Variants in AMPH observed in about 807,000 individuals in gnomAD.
The protein encoded by AMPH is amphiphysin, also known as amphiphysin (Stiff-Mann syndrome with breast cancer 128kD autoantigen).
In AMPH, 49 loss-of-function variants were observed where a neutral mutation model predicts 99.1. The ratio of observed to expected loss-of-function variants is 0.49; its 90% CI spans 0.39 to 0.63. AMPH has a LOEUF of 0.63. AMPH is among the 20% of genes least tolerant of loss of function. The probability of loss-of-function intolerance (pLI) is 0.00; values close to 1 mark genes in which losing one functional copy is unlikely to be tolerated. For missense variants in AMPH, 759 were observed against 863.4 expected (o/e 0.88, Z 1.52); for synonymous variants, 314 against 317.3 (o/e 0.99, Z 0.11).
At chr7:38,534,782 G>A in intron 2 of AMPH, 149 bp downstream of exon 2, 1 of 677,480 alleles carries the variant, frequency 1.5e-6, no homozygotes, top group Non-Finnish European at 2.5e-6. Flanking sequence ...GTCTTCAATA[G>A]GAAATTCTCC....
intron 1 of AMPH, among the ~76,000 whole-genome samples, chr7:38,555,772 TG>T (rs1170718563): frequency 6.6e-6 from 1 of 152,226 alleles, no homozygotes; most frequent in Non-Finnish European, 1.5e-5. Flanking sequence ...GATCAAATTA[TG>T]GGTTTTCCCA....
At chr7:38,469,660 A>G (rs923144465) in intron 7 of AMPH, among the ~76,000 whole-genome samples, 6 of 152,152 alleles carry the variant, frequency 3.9e-5, no homozygotes, top group Non-Finnish European at 8.8e-5. Context: ...GCTTAATATC[A>G]ACCTCTCAGC....
intron 1 of AMPH, among the ~76,000 whole-genome samples, chr7:38,561,135 A>G (rs1380122853): frequency 6.6e-6 from 1 of 152,204 alleles, no homozygotes; most frequent in Non-Finnish European, 1.5e-5. Flanking sequence ...GGTTAAACTA[A>G]CAGGGAAGGC....
At chr7:38,464,061 T>G in intron 9 of AMPH, 1 of 1,289,660 alleles carries the variant, frequency 7.8e-7, no homozygotes, top group Non-Finnish European at 1.0e-6. Context: ...AATCTAAGCT[T>G]AATAGAGATG....
chr7:38,593,685 C>G (rs1267312218), intron 1 of AMPH, among the ~76,000 whole-genome samples: 2 of 152,236 alleles, frequency 1.3e-5, no homozygotes, highest in African/African-American at 4.8e-5. Context: ...GGGGCACCCA[C>G]TGAAATGCTG....
chr7:38,572,411 T>A (rs538237964), intron 1 of AMPH, among the ~76,000 whole-genome samples: 36 of 152,254 alleles, frequency 2.4e-4, no homozygotes, highest in African/African-American at 8.4e-4. Context: ...TTAAGTACAA[T>A]CCATGATGCT....
At chr7:38,531,628 T>A (rs563649701) in intron 2 of AMPH, among the ~76,000 whole-genome samples, 1 of 152,296 alleles carries the variant, frequency 6.6e-6, no homozygotes, top group African/African-American at 2.4e-5. Flanking sequence ...TATGATTTTA[T>A]AAAAGGAATC....
chr7:38,428,300 T>C (rs1464465619), intron 14 of AMPH: 1 of 456,750 alleles, frequency 2.2e-6, no homozygotes, highest in African/African-American at 2.0e-5. Context: ...CTGCAATTCT[T>C]GGCAAGTTAA....
chr7:38,395,798 A>T (rs1378196296), intron 17 of AMPH, among the ~76,000 whole-genome samples: 1 of 152,238 alleles, frequency 6.6e-6, no homozygotes, highest in Non-Finnish European at 1.5e-5. Context: ...AATGAAGAGT[A>T]CCTCCGAGTG....
At chr7:38,396,686 C>T (rs937897594) in intron 17 of AMPH, among the ~76,000 whole-genome samples, 5 of 152,234 alleles carry the variant, frequency 3.3e-5, no homozygotes, top group South Asian at 2.1e-4. Context: ...ATTTTGAAAT[C>T]GAATAGACTT....
intron 2 of AMPH, among the ~76,000 whole-genome samples, chr7:38,507,201 T>C (rs1182023470): frequency 6.7e-6 from 1 of 150,004 alleles, no homozygotes; most frequent in East Asian, 1.9e-4. Flanking sequence ...CACTGCAGAG[T>C]TTTTTTTTAA....
intron 11 of AMPH, among the ~76,000 whole-genome samples, chr7:38,441,788 G>GATATATCTA (rs59247929): frequency 1.8e-5 from 1 of 55,584 alleles, no homozygotes; most frequent in Non-Finnish European, 5.1e-5. Context: ...TCATATATCT[G>GATATATCTA]TCATATATAT....
At chr7:38,439,614 T>C (rs761081934) in intron 11 of AMPH, among the ~76,000 whole-genome samples, 6 of 152,166 alleles carry the variant, frequency 3.9e-5, no homozygotes, top group African/African-American at 4.8e-5. Context: ...AGAGTACACA[T>C]GGTATGGTCT....
chr7:38,548,953 T>C (rs959505304), intron 1 of AMPH, among the ~76,000 whole-genome samples: 6 of 152,260 alleles, frequency 3.9e-5, no homozygotes, highest in African/African-American at 1.2e-4. Flanking sequence ...GGATCCTCCA[T>C]GTTGAACATG....
At chr7:38,592,070 A>T (rs534769434) in intron 1 of AMPH, among the ~76,000 whole-genome samples, 63 of 152,356 alleles carry the variant, frequency 4.1e-4, no homozygotes, top group African/African-American at 1.5e-3. Context: ...AACTAAAAGT[A>T]TTCCTTATGG....
At chr7:38,398,924 G>C (rs1035881970) in intron 17 of AMPH, among the ~76,000 whole-genome samples, 4 of 152,194 alleles carry the variant, frequency 2.6e-5, no homozygotes, top group Non-Finnish European at 5.9e-5. Flanking sequence ...CAAAGGCTCT[G>C]CCTGACTGCT....
chr7:38,550,586 T>C (rs535880110), intron 1 of AMPH, among the ~76,000 whole-genome samples: 46 of 152,338 alleles, frequency 3.0e-4, no homozygotes, highest in South Asian at 6.2e-4. Context: ...AGTGTCATTT[T>C]GTTACATGGA....
In AMPH at chr7:38,612,087, CT is replaced by C. The variant is rs56111676; in HGVS notation, c.69+19195del. On this transcript the variant is annotated intron_variant, in intron 1 of 20. Coordinates refer to ENST00000356264, the MANE Select transcript of AMPH (RefSeq NM_001635.4). ...GCTAAGACTGATTTTTTGTCTTCTTCTTTTTTTTTTTTTTTTTTTTTGAGAT... is the reference window on the plus strand; with the variant it reads ...GCTAAGACTGATTTTTTGTCTTCTTCTTTTTTTTTTTTTTTTTTTTGAGAT... Among the ~76,000 whole-genome samples the C allele has an allele frequency of 2.5e-3, 246 of 97,384 alleles. 3 individuals are homozygous for C. In the East Asian group the frequency reaches 0.027, roughly 11 times the overall value. The allele number at this position is 97,384 out of a possible 152,430, so 63.9% of individuals were successfully genotyped here.
rs1489204166 is a variant in AMPH at position 38,542,070 on chromosome 7, G to GA, written c.70-7060dup. On this transcript the variant is annotated intron_variant, in intron 1 of 20. Coordinates refer to ENST00000356264, the MANE Select transcript of AMPH (RefSeq NM_001635.4). ...CAAGAGAAAAAAAAATATTGGTGGG[G>GA]AAAAATAGCTTGAGGAATATTGATC... Among the ~76,000 whole-genome samples the GA allele has an allele frequency of 5.5e-4, 84 of 152,226 alleles. 1 individual carries two copies. The highest frequency in any genetic ancestry group is 1.9e-3 in the African/African-American group (77 of 41,546).
Sources: gnomAD v4.1 joint callset for allele counts (sites outside exome capture counted in the v4.1 genomes callset) on GRCh38, gnomAD v4.1.1 for gene constraint, MANE v1.5 for transcripts, NCBI Gene and HGNC (gene_info 2026-07-23, HGNC 2026-07-21) for gene names.